Variants in ZSCAN20 observed in about 807,000 individuals in gnomAD.
The protein encoded by ZSCAN20 is zinc finger and SCAN domain containing 20, also known as zinc finger and SCAN domain-containing protein 20.
Under a neutral mutation model 97.1 loss-of-function variants are expected in ZSCAN20, and 39 were observed. The ratio of observed to expected loss-of-function variants is 0.40; its 90% CI spans 0.31 to 0.52. The LOEUF is 0.52. Ranked by LOEUF, ZSCAN20 falls within the 20% of genes least tolerant of loss-of-function variation. ZSCAN20 has a pLI of 0.49. For synonymous variants in ZSCAN20, 456 were observed against 467.3 expected (o/e 0.98, Z 0.31); for missense variants, 1,115 against 1,290.4 (o/e 0.86, Z 2.08).
intron 2 of ZSCAN20, among the ~76,000 whole-genome samples, chr1:33,486,755 A>G (rs1652383106): frequency 6.6e-6 from 1 of 152,198 alleles, no homozygotes; most frequent in South Asian, 2.1e-4. Context: ...AATGATAACA[A>G]AGTGAATTTT....
Position 33,500,002 on chromosome 1 carries a change from A to G in ZSCAN20, c.*4526A>G, listed in dbSNP as rs1653010412. ...TGTTCCATGCAGTGGGAGTGCAGGGAAGGCTTTACAGGAGAGGAGGGAGTT... is the reference window on the plus strand; with the variant it reads ...TGTTCCATGCAGTGGGAGTGCAGGGGAGGCTTTACAGGAGAGGAGGGAGTT... On this transcript the variant is annotated 3_prime_UTR_variant, in exon 8 of 8. Coordinates refer to ENST00000684572, the MANE Select transcript of ZSCAN20 (RefSeq NM_001377376.1). Among the ~76,000 whole-genome samples, 1 of 152,114 alleles carries G rather than the reference A, an allele frequency of 6.6e-6. No homozygotes were observed. Among genetic ancestry groups the G allele is most frequent in the Admixed American group, 6.6e-5 (1 of 15,264 alleles).
intron 2 of ZSCAN20, among the ~76,000 whole-genome samples, chr1:33,483,603 C>T (rs990152021): frequency 6.7e-5 from 10 of 148,214 alleles, no homozygotes; most frequent in South Asian, 6.4e-4. Flanking sequence ...TTTGAGAGGA[C>T]GAAATGGGTG....
chr1:33,487,734 C>G (rs1291477073), intron 2 of ZSCAN20, among the ~76,000 whole-genome samples: 3 of 152,170 alleles, frequency 2.0e-5, no homozygotes, highest in African/African-American at 7.2e-5. Flanking sequence ...CTTCAAACTT[C>G]TGGGCTCAAG....
chr1:33,496,831 C>T lies in ZSCAN20; in HGVS notation c.*1355C>T, dbSNP rs1652879561. Among the ~76,000 whole-genome samples the T allele has an allele frequency of 6.6e-6, 1 of 152,186 alleles. No individual in the cohort carries two copies. Among genetic ancestry groups the T allele is most frequent in the South Asian group, 2.1e-4 (1 of 4,830 alleles). Reference sequence around the variant, plus strand: ...TTACCCTGAGCCATCCTGTCCCAGGCCTGCCCAGGGCTTTCTGTATGTTGA... The same window carrying T: ...TTACCCTGAGCCATCCTGTCCCAGGTCTGCCCAGGGCTTTCTGTATGTTGA... On this transcript the variant is annotated 3_prime_UTR_variant, in exon 8 of 8. Coordinates refer to ENST00000684572, the MANE Select transcript of ZSCAN20 (RefSeq NM_001377376.1).
At chr1:33,481,961 G>T (rs1652172301) in intron 2 of ZSCAN20, among the ~76,000 whole-genome samples, 1 of 152,022 alleles carries the variant, frequency 6.6e-6, no homozygotes, top group African/African-American at 2.4e-5. Flanking sequence ...ATCCCTCCCC[G>T]ACAAGCCTCC....
rs201908933 is a variant in ZSCAN20 at position 33,479,542 on chromosome 1, G to A, written c.254G>A (p.Arg85His). The change falls in exon 2 of 8, where the codon CGT becomes CAT. Residue 85 changes from arginine to histidine, a missense_variant. By Grantham distance (29) the Arg-to-His change is conservative. This residue lies in a region of ZSCAN20 where 508 missense variants were observed against 611.2 expected (regional missense o/e 0.83). Coordinates refer to ENST00000684572, the MANE Select transcript of ZSCAN20 (RefSeq NM_001377376.1). ...LCCRWLRPEI[R>H]LKEQILELLV... is the part of the protein sequence containing the mutation. ...TGTCGTTGGCTGAGGCCGGAGATCC[G>A]TCTCAAAGAGCAGATCCTGGAGCTG... The A allele has an allele frequency of 4.6e-4, 747 of 1,613,468 alleles. No homozygotes were observed. Among genetic ancestry groups the A allele is most frequent in the Non-Finnish European group, 6.2e-4 (731 of 1,179,632 alleles).
intron 2 of ZSCAN20, among the ~76,000 whole-genome samples, chr1:33,484,531 G>C (rs1052162303): frequency 6.6e-5 from 10 of 151,994 alleles, no homozygotes; most frequent in Admixed American, 5.9e-4. Context: ...TGCATACCTG[G>C]GATAAATACC....
At chr1:33,479,837 C>A in intron 2 of ZSCAN20, 132 bp downstream of exon 2, 2 of 986,278 alleles carry the variant, frequency 2.0e-6, no homozygotes, top group Non-Finnish European at 2.9e-6. Flanking sequence ...TTGACCACTA[C>A]TGTATACCAG....
At position 33,495,636 on chromosome 1, in the gene ZSCAN20, G is replaced by A. The variant is rs188670622; in HGVS notation, c.*160G>A. ...TTTGGAAGTGAATTACAAATACTAA[G>A]GATCCAGATTTGAAGGCACTTTTAA... On this transcript the variant is annotated 3_prime_UTR_variant, in exon 8 of 8. Transcript: ENST00000684572. 1.6e-5 allele frequency: 10 copies of A among 620,170 alleles called. No homozygotes were observed. The highest frequency in any genetic ancestry group is 2.4e-5 in the Non-Finnish European group (10 of 411,316). The allele number at this position is 620,170 out of a possible 1,614,324, so 38.4% of individuals were successfully genotyped here. A position where few individuals can be genotyped will look rare whatever the true frequency, so the allele number is the denominator to read the frequency against.
rs982472452 is a variant in ZSCAN20, at chr1:33,499,972, G to C, written c.*4496G>C. ...CCCCTGCCCCAATCTGCTACAAGGG[G>C]TTAGTGTTCCATGCAGTGGGAGTGC... On this transcript the variant is annotated 3_prime_UTR_variant, in exon 8 of 8. Transcript: ENST00000684572. Among the ~76,000 whole-genome samples, 1 of 152,128 alleles carries C rather than the reference G, an allele frequency of 6.6e-6. No homozygotes were observed. The highest frequency in any genetic ancestry group is 2.4e-5 in the African/African-American group (1 of 41,422).
In ZSCAN20 at chr1:33,500,679, T is replaced by C. The variant is rs1362973195; in HGVS notation, c.*5203T>C. 1.4e-5 allele frequency among the ~76,000 whole-genome samples: 2 copies of C among 139,482 alleles called. No individual in the cohort carries two copies. Among genetic ancestry groups the C allele is most frequent in the Non-Finnish European group, 3.1e-5 (2 of 63,840 alleles). 91.5% of individuals were successfully genotyped at this position (139,482 alleles called of 152,430 possible). ...CTAAAGTCACTTTTTTTTTTTTTTTTACATTTTCATTGTAGAAAAATATCC... is the reference window on the plus strand; with the variant it reads ...CTAAAGTCACTTTTTTTTTTTTTTTCACATTTTCATTGTAGAAAAATATCC... On this transcript the variant is annotated 3_prime_UTR_variant, in exon 8 of 8. Coordinates refer to ENST00000684572, the MANE Select transcript of ZSCAN20 (RefSeq NM_001377376.1).
chr1:33,473,365 C>T (rs1258047780), intron 1 of ZSCAN20, among the ~76,000 whole-genome samples: 3 of 152,122 alleles, frequency 2.0e-5, no homozygotes, highest in Non-Finnish European at 4.4e-5. Flanking sequence ...TTCGCAGAAG[C>T]CTTTTCAGTT....
chr1:33,473,702 A>G (rs1651816658), intron 1 of ZSCAN20, among the ~76,000 whole-genome samples: 1 of 152,082 alleles, frequency 6.6e-6, no homozygotes, highest in South Asian at 2.1e-4. Context: ...ACTTTGCTCA[A>G]TTCCCTTAAG....
chr1:33,492,247 G>C (rs943659195), intron 6 of ZSCAN20: 1 of 152,282 alleles, frequency 6.6e-6, no homozygotes, highest in Non-Finnish European at 1.5e-5. Flanking sequence ...TAGGAGCAGA[G>C]CCCGGATCAG....
chr1:33,490,677 A>ACACACACAC (rs1553122648), intron 5 of ZSCAN20, among the ~76,000 whole-genome samples: 11 of 147,358 alleles, frequency 7.5e-5, no homozygotes, highest in African/African-American at 2.8e-4. Context: ...ACACACACAC[A>ACACACACAC]CACACACCAC....
chr1:33,494,882 A>G lies in ZSCAN20; in HGVS notation c.2538A>G (p.Glu846=), dbSNP rs1352875348. 1 of 1,614,104 alleles carries G rather than the reference A, an allele frequency of 6.2e-7. No homozygotes were observed. Among genetic ancestry groups the G allele is most frequent in the Admixed American group, 1.7e-5 (1 of 60,010 alleles). Residue 846 remains glutamate, a synonymous_variant, in exon 8 of 8, where the codon GAA becomes GAG. Transcript: ENST00000684572. The part of the protein sequence containing the change: ...SFSAHWRNST[E]ETAPEQPQSI... ...GTGCTCACTGGAGGAATTCTACAGA[A>G]GAGACAGCTCCTGAACAACCTCAAA...
Position 33,493,204 on chromosome 1 carries a change from T to C in ZSCAN20, c.1462T>C (p.Tyr488His). Residue 488 changes from tyrosine to histidine, a missense_variant, in exon 7 of 8, where the codon TAT becomes CAT. Coordinates refer to ENST00000684572, the MANE Select transcript of ZSCAN20 (RefSeq NM_001377376.1). This position sits in a 1 kb window ranked among gnomAD's most constrained non-coding sequence, Gnocchi z 4.3. ...CCTGACAGCAGGTGTGCACTGGGGC[T>C]ATGAGGAGACCAAGGCCTTCCTGGC... ...QSRIAGVHWG[Y>H]EETKAFLAIL... is the part of the protein sequence containing the mutation. The C allele has an allele frequency of 6.2e-7, 1 of 1,614,120 alleles. No homozygotes were observed. Among genetic ancestry groups the C allele is most frequent in the South Asian group, 1.1e-5 (1 of 91,078 alleles).
Position 33,491,304 on chromosome 1 carries a change from C to G in ZSCAN20, c.1046C>G (p.Thr349Ser). Residue 349 changes from threonine (T) to serine (S), a missense_variant, in exon 6 of 8, where the codon ACT (threonine) becomes AGT (serine). Transcript: ENST00000684572. This position sits in a 1 kb window ranked among gnomAD's most constrained non-coding sequence, Gnocchi z 4.3. ...SESPFSEKLR[T>S]CHQNRQVYRA... is the part of the protein sequence containing the mutation. ...TCTCCTTTCTCTGAAAAGCTCCGGACTTGTCACCAGAACCGCCAGGTATAT... is the reference window on the plus strand; with the variant it reads ...TCTCCTTTCTCTGAAAAGCTCCGGAGTTGTCACCAGAACCGCCAGGTATAT... The G allele has an allele frequency of 6.2e-7, 1 of 1,614,146 alleles. No homozygotes were observed. Among genetic ancestry groups the G allele is most frequent in the Non-Finnish European group, 8.5e-7 (1 of 1,180,006 alleles).
chr1:33,484,851 A>C (rs1652297367), intron 2 of ZSCAN20, among the ~76,000 whole-genome samples: 1 of 151,810 alleles, frequency 6.6e-6, no homozygotes, highest in Admixed American at 6.6e-5. Context: ...CAAACTCCTG[A>C]CTTGGTGATC....
Sources: gnomAD v4.1 joint callset for allele counts (sites outside exome capture counted in the v4.1 genomes callset) on GRCh38, gnomAD v4.1.1 for gene constraint, gnomAD v4.1.1 regional missense constraint, Gnocchi (gnomAD v3.1) non-coding constraint, MANE v1.5 for transcripts, NCBI Gene and HGNC (gene_info 2026-07-23, HGNC 2026-07-21) for gene names.